CEACAM16: variants seen among roughly 807,000 people sequenced by gnomAD.
The protein encoded by CEACAM16 is cell adhesion molecule CEACAM16.
CEACAM16 carries 30 observed loss-of-function variants against 39.4 expected under a neutral mutation model. That is an observed-to-expected ratio of 0.76 (90% confidence interval 0.57 to 1.03). The LOEUF (loss-of-function observed/expected upper bound fraction) is 1.03, where lower values mean the gene tolerates loss of function less well. Ranked by LOEUF, CEACAM16 falls within the 50% of genes least tolerant of loss-of-function variation. The probability of loss-of-function intolerance (pLI) is 0.00; values close to 1 mark genes in which losing one functional copy is unlikely to be tolerated. For missense variants in CEACAM16, 521 were observed against 585.3 expected (o/e 0.89, Z 1.13); for synonymous variants, 262 against 264.9 (o/e 0.99, Z 0.11).
At position 44,703,701 on chromosome 19, in the gene CEACAM16, A is replaced by AC. The variant is rs766303859; in HGVS notation, c.382+14dup. 12 of 1,451,986 alleles carry AC rather than the reference A, an allele frequency of 8.3e-6. No homozygotes were observed. The highest frequency in any genetic ancestry group is 1.5e-5 in the African/African-American group (1 of 68,108). 89.9% of individuals were successfully genotyped at this position (1,451,986 alleles called of 1,614,324 possible). A position where few individuals can be genotyped will look rare whatever the true frequency, so the allele number is the denominator to read the frequency against. On this transcript the variant is annotated intron_variant, in intron 3 of 6. Coordinates refer to ENST00000587331, the MANE Select transcript of CEACAM16 (RefSeq NM_001039213.4). ...GACACGTGCAGGTCCATGGTGAGACACCCCCCAACACCCGCCTCTGCCCCA... is the reference window on the plus strand; with the variant it reads ...GACACGTGCAGGTCCATGGTGAGACACCCCCCCAACACCCGCCTCTGCCCCA...
chr19:44,710,542 CTTCGCACCATCCTCTGG>C lies in CEACAM16; in HGVS notation c.*38_*54del. 6.2e-7 allele frequency: 1 copy of C among 1,613,592 alleles called. No individual in the cohort carries two copies. The highest frequency in any genetic ancestry group is 8.5e-7 in the Non-Finnish European group (1 of 1,179,550). On this transcript the variant is annotated 3_prime_UTR_variant, in exon 7 of 7. Coordinates refer to ENST00000587331, the MANE Select transcript of CEACAM16 (RefSeq NM_001039213.4). ...CTGGAGACGTCCAGAGAGAAGAGCT[CTTCGCACCATCCTCTGG>C]TCCTCGCCCTCTGAGTGGGAACCAC... is the stretch of plus-strand genomic sequence containing the variant.
At position 44,707,867 on chromosome 19, in the gene CEACAM16, C is replaced by A; in HGVS notation, c.947C>A (p.Ala316Glu). 6.5e-7 allele frequency: 1 copy of A among 1,541,666 alleles called. No individual in the cohort carries two copies. The highest frequency in any genetic ancestry group is 8.8e-7 in the Non-Finnish European group (1 of 1,136,470). Residue 316 changes from alanine to glutamate, a missense_variant, in exon 6 of 7, where the codon GCA becomes GAA. Coordinates refer to ENST00000587331, the MANE Select transcript of CEACAM16 (RefSeq NM_001039213.4). ...CCGCTCGCTCTCTCCCCAGCTGCAG[C>A]AGTTGCCACGATGATCGTGCCCGTG... ...ASVVVKLSAA[A>E]VATMIVPVPT...
intron 1 of CEACAM16, among the ~76,000 whole-genome samples, chr19:44,700,717 G>A (rs1974331566): frequency 6.6e-6 from 1 of 152,200 alleles, no homozygotes; most frequent in Admixed American, 6.5e-5. Flanking sequence ...ATTTGACAGA[G>A]AGGGGAAAAC....
intron 4 of CEACAM16, 29 bp downstream of exon 4, chr19:44,704,325 C>T: frequency 6.8e-7 from 1 of 1,467,020 alleles, no homozygotes; most frequent in Non-Finnish European, 9.0e-7. Flanking sequence ...ACTGGAGATA[C>T]CCAGTGTCCA....
At chr19:44,709,471 G>A (rs112118204) in intron 6 of CEACAM16, among the ~76,000 whole-genome samples, 1 of 129,874 alleles carries the variant, frequency 7.7e-6, no homozygotes, top group African/African-American at 3.2e-5. Context: ...CCAGAGTCAG[G>A]GACCATGTCT....
chr19:44,707,781 G>A (rs914093560), intron 5 of CEACAM16, 80 bp from the exon 6 acceptor site: 61 of 1,281,718 alleles, frequency 4.8e-5, no homozygotes, highest in Non-Finnish European at 6.1e-5. Flanking sequence ...GCCAGCTGGG[G>A]GGAGGCCAGC....
chr19:44,700,999 G>A lies in CEACAM16; in HGVS notation c.-96-362G>A, dbSNP rs1464745490. The stretch of plus-strand genomic sequence containing the variant: ...CCATCCGCTGAGACAACACCTGTAG[G>A]TCCCCTGCACTGGGTGGGGCTGGGA... On this transcript the variant is annotated intron_variant, in intron 1 of 6. Transcript: ENST00000587331. 3.9e-5 allele frequency among the ~76,000 whole-genome samples: 6 copies of A among 152,212 alleles called. No homozygotes were observed. The East Asian group carries it at 9.6e-4, about 24-fold the overall frequency.
In CEACAM16 at chr19:44,701,786, T is replaced by C. The variant is rs543728265; in HGVS notation, c.37+293T>C. Among the ~76,000 whole-genome samples the C allele has an allele frequency of 6.6e-6, 1 of 152,314 alleles. No individual in the cohort carries two copies. Among genetic ancestry groups the C allele is most frequent in the South Asian group, 2.1e-4 (1 of 4,828 alleles). The stretch of plus-strand genomic sequence containing the variant: ...CCTTCATTCCTGCAGGTTTCTGTTT[T>C]ATCAGCTATGGAAGCCTTGATGAGG... On this transcript the variant is annotated intron_variant, in intron 2 of 6. Coordinates refer to ENST00000587331, the MANE Select transcript of CEACAM16 (RefSeq NM_001039213.4). The surrounding 1 kb of genome is among the most constrained non-coding windows in gnomAD (Gnocchi z 4.0).
At chr19:44,707,821 T>G in intron 5 of CEACAM16, 40 bp from the exon 6 acceptor site, 1 of 1,461,624 alleles carries the variant, frequency 6.8e-7, no homozygotes. Flanking sequence ...CCATGCCAGA[T>G]GCAGACCAAA....
rs1230102803 is a variant in CEACAM16 at position 44,708,013 on chromosome 19, C to T, written c.1093C>T (p.Leu365=). 6.2e-7 allele frequency: 1 copy of T among 1,610,928 alleles called. No individual in the cohort carries two copies. The highest frequency in any genetic ancestry group is 8.5e-7 in the Non-Finnish European group (1 of 1,178,980). Reference sequence around the variant, plus strand: ...CGAGCCCAACCGGCTGCTCAGCCAGCTGCCGTCAGGAACCTGGATTGCAGG... The same window carrying T: ...CGAGCCCAACCGGCTGCTCAGCCAGTTGCCGTCAGGAACCTGGATTGCAGG... ...ASEPNRLLSQ[L]PSGTWIAGPA... is the part of the protein sequence containing the mutation. Residue 365 remains leucine (L), a synonymous_variant, in exon 6 of 7, where the codon CTG becomes TTG. Coordinates refer to ENST00000587331, the MANE Select transcript of CEACAM16 (RefSeq NM_001039213.4).
chr19:44,706,240 A>G (rs1189043935), intron 5 of CEACAM16, among the ~76,000 whole-genome samples: 1 of 144,900 alleles, frequency 6.9e-6, no homozygotes, highest in Non-Finnish European at 1.5e-5. Context: ...CAACTAGACT[A>G]CCCAGTTATC....
At position 44,710,366 on chromosome 19, in the gene CEACAM16, A is replaced by G. The variant is rs1974517859; in HGVS notation, c.1268-130A>G. Reference sequence around the variant, plus strand: ...CTGAACCTGAACCTGGCACAGGCTGAGCGTGGGGTGGATTGGGCCACTGGG... The same window carrying G: ...CTGAACCTGAACCTGGCACAGGCTGGGCGTGGGGTGGATTGGGCCACTGGG... On this transcript the variant is annotated intron_variant, in intron 6 of 6. Coordinates refer to ENST00000587331, the MANE Select transcript of CEACAM16 (RefSeq NM_001039213.4). 7.5e-6 allele frequency: 7 copies of G among 927,388 alleles called. No homozygotes were observed. In the East Asian group the frequency reaches 1.6e-4, roughly 21 times the overall value. 57.4% of individuals were successfully genotyped at this position (927,388 alleles called of 1,614,324 possible). A position where few individuals can be genotyped will look rare whatever the true frequency, so the allele number is the denominator to read the frequency against.
chr19:44,703,429 G>A lies in CEACAM16; in HGVS notation c.118G>A (p.Val40Ile). 6.2e-7 allele frequency: 1 copy of A among 1,613,860 alleles called. No individual in the cohort carries two copies. Among genetic ancestry groups the A allele is most frequent in the Non-Finnish European group, 8.5e-7 (1 of 1,179,894 alleles). The stretch of plus-strand genomic sequence containing the variant: ...GAGCGAAGGGGACAACGTCACGCTG[G>A]TCGTCCATGGGCTTTCGGGGGAACT... ...QPSEGDNVTL[V>I]VHGLSGELLA... is the part of the protein sequence containing the mutation. The change falls in exon 3 of 7, where the codon GTC (valine) becomes ATC (isoleucine). Residue 40 changes from valine (V) to isoleucine (I), a missense_variant. Coordinates refer to ENST00000587331, the MANE Select transcript of CEACAM16 (RefSeq NM_001039213.4).
intron 6 of CEACAM16, 29 bp from the exon 7 acceptor site, chr19:44,710,467 T>C (rs779626566): frequency 9.3e-6 from 15 of 1,607,994 alleles, no homozygotes; most frequent in African/African-American, 1.3e-5. Context: ...GACATCCTCC[T>C]TCGCCCCCTC....
chr19:44,710,674 A>G lies in CEACAM16; in HGVS notation c.*168A>G, dbSNP rs1974523194. 1.1e-6 allele frequency: 1 copy of G among 922,970 alleles called. No homozygotes were observed. The highest frequency in any genetic ancestry group is 2.7e-5 in the East Asian group (1 of 37,234). 57.2% of individuals were successfully genotyped at this position (922,970 alleles called of 1,614,324 possible). ...GCCACAGGGCCCCACTCCCTCGCTGAGCTGTTGGGGAGCCACCGAGGCCAT... is the reference window on the plus strand; with the variant it reads ...GCCACAGGGCCCCACTCCCTCGCTGGGCTGTTGGGGAGCCACCGAGGCCAT... On this transcript the variant is annotated 3_prime_UTR_variant, in exon 7 of 7. Coordinates refer to ENST00000587331, the MANE Select transcript of CEACAM16 (RefSeq NM_001039213.4).
intron 6 of CEACAM16, 133 bp from the exon 7 acceptor site, chr19:44,710,363 C>A: frequency 1.1e-6 from 1 of 911,946 alleles, no homozygotes; most frequent in Non-Finnish European, 1.7e-6. Flanking sequence ...CTGGCACAGG[C>A]TGAGCGTGGG....
Position 44,707,948 on chromosome 19 carries a change from A to C in CEACAM16, c.1028A>C (p.Lys343Thr). 6.2e-7 allele frequency: 1 copy of C among 1,601,926 alleles called. No homozygotes were observed. The highest frequency in any genetic ancestry group is 8.5e-7 in the Non-Finnish European group (1 of 1,172,980). ...DVTLTVQGYP[K>T]DLLVYAWYRG... ...ACACTGACCGTGCAGGGCTACCCCA[A>C]GGACCTGCTGGTCTACGCCTGGTAC... The change falls in exon 6 of 7, where the codon AAG becomes ACG. Residue 343 changes from lysine (K) to threonine (T), a missense_variant. Physicochemically the swap from Lys to Thr is moderately conservative, Grantham distance 78 (BLOSUM62 -1). Transcript: ENST00000587331.
At chr19:44,710,092 G>A (rs1045944638) in intron 6 of CEACAM16, among the ~76,000 whole-genome samples, 2 of 152,198 alleles carry the variant, frequency 1.3e-5, no homozygotes, top group Non-Finnish European at 2.9e-5. Flanking sequence ...ATTCTCAGAA[G>A]CCATGTCCCT....
rs1974472914 is a variant in CEACAM16 at position 44,707,813 on chromosome 19, A to T, written c.941-48A>T. 5 of 1,440,078 alleles carry T rather than the reference A, an allele frequency of 3.5e-6. No individual in the cohort carries two copies. The East Asian group carries it at 1.3e-4, about 36-fold the overall frequency. The allele number at this position is 1,440,078 out of a possible 1,614,324, so 89.2% of individuals were successfully genotyped here. A position where few individuals can be genotyped will look rare whatever the true frequency, so the allele number is the denominator to read the frequency against. On this transcript the variant is annotated intron_variant, in intron 5 of 6. Coordinates refer to ENST00000587331, the MANE Select transcript of CEACAM16 (RefSeq NM_001039213.4). The stretch of plus-strand genomic sequence containing the variant: ...CAGCAAGGGTTGGGAAGGGGACACC[A>T]TGCCAGATGCAGACCAAACTGACCC...
Sources: allele counts gnomAD v4.1 joint callset (sites outside exome capture counted in the v4.1 genomes callset), GRCh38; gene constraint gnomAD v4.1.1; non-coding constraint Gnocchi (gnomAD v3.1); transcripts MANE v1.5; gene names NCBI Gene and HGNC (gene_info 2026-07-23, HGNC 2026-07-21).